Variants in ASPH observed in about 807,000 individuals in gnomAD.
ASPH encodes aspartyl/asparaginyl beta-hydroxylase.
A neutral mutation model predicts 118.4 loss-of-function variants in ASPH; 100 were observed. The ratio of observed to expected loss-of-function variants is 0.84; its 90% CI spans 0.72 to 1.00. The LOEUF (loss-of-function observed/expected upper bound fraction) is 1.00, where lower values mean the gene tolerates loss of function less well. Among genes scored for constraint, ASPH ranks in the 50% least tolerant of loss-of-function variants. The probability of loss-of-function intolerance (pLI) is 0.00; values close to 1 mark genes in which losing one functional copy is unlikely to be tolerated. For synonymous variants in ASPH, 315 were observed against 325.6 expected, an observed-to-expected ratio of 0.97 and a Z score of 0.35; for missense variants, 920 against 919.5, an observed-to-expected ratio of 1.00 and a Z score of -0.01.
intron 14 of ASPH, among the ~76,000 whole-genome samples, chr8:61,608,072 G>A (rs1485646752): frequency 1.3e-5 from 2 of 152,164 alleles, no homozygotes; most frequent in African/African-American, 4.8e-5. Flanking sequence ...GCAGCACTGG[G>A]AAAGGCTCAC....
chr8:61,587,596 T>G (rs1030795532), intron 14 of ASPH, among the ~76,000 whole-genome samples: 2 of 152,162 alleles, frequency 1.3e-5, no homozygotes, highest in African/African-American at 4.8e-5. Context: ...AACAGCAAAA[T>G]TATATGCTTG....
chr8:61,688,954 G>C (rs1831663683), intron 1 of ASPH, among the ~76,000 whole-genome samples: 1 of 152,138 alleles, frequency 6.6e-6, no homozygotes, highest in Non-Finnish European at 1.5e-5. Context: ...CCTAATCAAA[G>C]AATCCTTTCA....
rs183233228 is a variant in ASPH at position 61,555,225 on chromosome 8, G to A, written c.1536+699C>T. On this transcript the variant is annotated intron_variant, in intron 19 of 24. Transcript: ENST00000379454. ...GTAAATATATAATTAACTTGTAAAA[G>A]GAACATATAATGCATTGTCTATATT... Among the ~76,000 whole-genome samples the A allele has an allele frequency of 3.4e-3, 522 of 151,982 alleles. 1 individual carries two copies. The highest frequency in any genetic ancestry group is 5.9e-3 in the Non-Finnish European group (404 of 67,970).
At chr8:61,667,665 A>G (rs1588946489) in intron 3 of ASPH, among the ~76,000 whole-genome samples, 1 of 152,328 alleles carries the variant, frequency 6.6e-6, no homozygotes, top group Middle Eastern at 3.4e-3. Context: ...GTGCCCGGAC[A>G]ATAATTTTTA....
chr8:61,600,072 G>A (rs1433213913), intron 14 of ASPH, among the ~76,000 whole-genome samples: 1 of 152,026 alleles, frequency 6.6e-6, no homozygotes, highest in Non-Finnish European at 1.5e-5. Flanking sequence ...GATCAAGTGT[G>A]ATTTATCCCA....
chr8:61,528,745 T>G (rs1411782713), intron 21 of ASPH, among the ~76,000 whole-genome samples: 2 of 152,176 alleles, frequency 1.3e-5, no homozygotes, highest in African/African-American at 4.8e-5. Context: ...ACCCACAGCC[T>G]CCCCTGGGAA....
rs1226358885 is a variant in ASPH, at chr8:61,501,024, A to G, written c.*2335T>C. ...CAATAACAGAAGTAATTTTTATATT[A>G]TACACTTGGAGAAATAAAGTTGAAA... On this transcript the variant is annotated 3_prime_UTR_variant, in exon 25 of 25. Transcript: ENST00000379454. The G allele has an allele frequency of 1.3e-5, 2 of 152,218 alleles. No individual in the cohort carries two copies. Among genetic ancestry groups the G allele is most frequent in the Admixed American group, 6.5e-5 (1 of 15,278 alleles). The allele number at this position is 152,218 out of a possible 1,614,324, so 9.4% of individuals were successfully genotyped here.
At chr8:61,596,500 C>T (rs1842547186) in intron 14 of ASPH, among the ~76,000 whole-genome samples, 1 of 152,244 alleles carries the variant, frequency 6.6e-6, no homozygotes, top group Admixed American at 6.5e-5. Flanking sequence ...TGCCCATGTA[C>T]ACTGCCTAGG....
chr8:61,618,533 TAGTACA>T (rs1849807484), intron 14 of ASPH, among the ~76,000 whole-genome samples: 1 of 152,216 alleles, frequency 6.6e-6, no homozygotes, highest in Non-Finnish European at 1.5e-5. Flanking sequence ...TTCCTATACC[TAGTACA>T]GTTGTTGACA....
At chr8:61,576,673 G>T in intron 16 of ASPH, 99 bp downstream of exon 16, 1 of 1,024,160 alleles carries the variant, frequency 9.8e-7, no homozygotes, top group Non-Finnish European at 1.4e-6. Context: ...TGATTCTGTA[G>T]AGAAATTAGA....
At chr8:61,568,639 A>G (rs756238619) in intron 16 of ASPH, among the ~76,000 whole-genome samples, 2 of 152,198 alleles carry the variant, frequency 1.3e-5, no homozygotes, top group Non-Finnish European at 2.9e-5. Flanking sequence ...GGAATCATCA[A>G]GGATGAAGAT....
At position 61,714,470 on chromosome 8, in the gene ASPH, A is replaced by C. The variant is rs1015138119; in HGVS notation, c.-99T>G. ...ACCGCTGGCGGCGGCGGGCCGCTGG[A>C]GCGGGTTCGGGCCGCTGCTCCTGCA... On this transcript the variant is annotated 5_prime_UTR_variant, in exon 1 of 25. Coordinates refer to ENST00000379454, the MANE Select transcript of ASPH (RefSeq NM_004318.4). 19 of 1,360,918 alleles carry C rather than the reference A, an allele frequency of 1.4e-5. No individual in the cohort carries two copies. Among genetic ancestry groups the C allele is most frequent in the African/African-American group, 1.1e-4 (7 of 65,246 alleles). The allele number at this position is 1,360,918 out of a possible 1,614,324, so 84.3% of individuals were successfully genotyped here.
intron 1 of ASPH, among the ~76,000 whole-genome samples, chr8:61,688,539 C>A (rs1283477267): frequency 6.6e-6 from 1 of 152,190 alleles, no homozygotes; most frequent in Non-Finnish European, 1.5e-5. Flanking sequence ...AGCTACTTCA[C>A]TGGCCTACTA....
intron 17 of ASPH, among the ~76,000 whole-genome samples, chr8:61,564,297 CTTTTTTTTTTT>C (rs1176381658): frequency 7.5e-6 from 1 of 134,038 alleles, no homozygotes; most frequent in Non-Finnish European, 1.6e-5. Context: ...AATGCTGATT[CTTTTTTTTTTT>C]TTTTTTTTGA....
At chr8:61,513,716 G>A (rs1201685646) in intron 24 of ASPH, among the ~76,000 whole-genome samples, 1 of 152,172 alleles carries the variant, frequency 6.6e-6, no homozygotes, top group Non-Finnish European at 1.5e-5. Flanking sequence ...GTCACACAAA[G>A]TAGGTTGTGT....
chr8:61,698,088 C>A (rs1485060405), intron 1 of ASPH, among the ~76,000 whole-genome samples: 2 of 152,160 alleles, frequency 1.3e-5, no homozygotes, highest in Non-Finnish European at 2.9e-5. Flanking sequence ...AGGTGTGAGC[C>A]ACCACACCTG....
intron 3 of ASPH, chr8:61,658,741 A>G (rs1815137641): frequency 6.6e-6 from 1 of 152,202 alleles, no homozygotes; most frequent in Admixed American, 6.5e-5. Flanking sequence ...AAGGTAGTTA[A>G]AACACTGCAA....
intron 16 of ASPH, among the ~76,000 whole-genome samples, chr8:61,569,228 T>C (rs1433535370): frequency 6.6e-6 from 1 of 152,010 alleles, no homozygotes; most frequent in Non-Finnish European, 1.5e-5. Context: ...GAATGGAGAG[T>C]AAAATACTGG....
In ASPH at chr8:61,684,146, A is replaced by G. The variant is rs745933402; in HGVS notation, c.146T>C (p.Leu49Pro). ...CCACGTGAAGAATGAAGTTCCTGAG[A>G]GTCCGCCTTTCCTCCCATTCTTGTG... is the stretch of plus-strand genomic sequence containing the variant. ...GGHKNGRKGGLSGTSFFTWFM... is the reference protein window; with the variant it reads ...GGHKNGRKGGPSGTSFFTWFM... The change falls in exon 2 of 25, where the codon CTC becomes CCC. Residue 49 changes from leucine to proline, a missense_variant. Transcript: ENST00000379454. The G allele has an allele frequency of 1.2e-6, 2 of 1,613,564 alleles. No individual in the cohort carries two copies. The highest frequency in any genetic ancestry group is 1.7e-6 in the Non-Finnish European group (2 of 1,179,646).
Sources: gnomAD v4.1 joint callset for allele counts (sites outside exome capture counted in the v4.1 genomes callset) on GRCh38, gnomAD v4.1.1 for gene constraint, MANE v1.5 for transcripts, NCBI Gene and HGNC (gene_info 2026-07-23, HGNC 2026-07-21) for gene names.